Variants in GRHL1 observed in about 807,000 individuals in gnomAD.
The protein encoded by GRHL1 is grainyhead-like protein 1 homolog.
GRHL1 carries 38 observed loss-of-function variants against 75.7 expected under a neutral mutation model. The ratio of observed to expected loss-of-function variants is 0.50; its 90% CI spans 0.39 to 0.66. GRHL1 has a LOEUF of 0.66. GRHL1 is among the 30% of genes least tolerant of loss of function. GRHL1 has a pLI of 0.00. For synonymous variants in GRHL1, 266 were observed against 279.4 expected, an observed-to-expected ratio of 0.95 and a Z score of 0.48; for missense variants, 589 against 767.5, an observed-to-expected ratio of 0.77 and a Z score of 2.75.
intron 1 of GRHL1, among the ~76,000 whole-genome samples, chr2:9,954,348 A>G (rs566792389): frequency 6.0e-4 from 91 of 152,284 alleles, no homozygotes; most frequent in Admixed American, 1.2e-3. Flanking sequence ...ATCTGCTGGT[A>G]ATCAGTAGAA....
In GRHL1 at chr2:9,961,261, G is replaced by T. The variant is rs535668161; in HGVS notation, c.494G>T (p.Gly165Val). The T allele has an allele frequency of 6.2e-7, 1 of 1,614,196 alleles. No homozygotes were observed. Among genetic ancestry groups the T allele is most frequent in the Non-Finnish European group, 8.5e-7 (1 of 1,180,032 alleles). ...HSIKTETQPH[G>V]FAVGIPPAVY... ...ATCAAGACAGAAACCCAGCCACATG[G>T]CTTCGCTGTGGGAATCCCCCCAGCA... is the stretch of plus-strand genomic sequence containing the variant. The change falls in exon 4 of 16, where the codon GGC becomes GTC. Residue 165 changes from glycine to valine, a missense_variant. Coordinates refer to ENST00000324907, the MANE Select transcript of GRHL1 (RefSeq NM_198182.3).
intron 8 of GRHL1, among the ~76,000 whole-genome samples, chr2:9,975,706 C>T (rs529207057): frequency 2.3e-4 from 34 of 150,270 alleles, no homozygotes; most frequent in African/African-American, 6.6e-4. Context: ...GGTGAAACTC[C>T]GTCTCTAGTA....
At chr2:9,993,692 C>T (rs6750565) in intron 12 of GRHL1, among the ~76,000 whole-genome samples, 25,975 of 152,196 alleles carry the variant, frequency 0.17, 2,282 homozygotes, top group Non-Finnish European at 0.19. Flanking sequence ...GCAGGGATGT[C>T]ATAGAGGCCA....
intron 8 of GRHL1, among the ~76,000 whole-genome samples, chr2:9,985,553 A>G (rs75926524): frequency 0.026 from 3,997 of 152,354 alleles, 174 homozygotes; most frequent in African/African-American, 0.09. Context: ...CAAAAGGTTA[A>G]TAAGAACAAA....
chr2:9,960,226 G>A (rs1667214242), intron 3 of GRHL1: 1 of 152,176 alleles, frequency 6.6e-6, no homozygotes, highest in South Asian at 2.1e-4. Flanking sequence ...ATCACCTGAG[G>A]TCAGGAGTTC....
intron 12 of GRHL1, among the ~76,000 whole-genome samples, chr2:9,993,725 A>G (rs1029717043): frequency 1.3e-5 from 2 of 152,180 alleles, no homozygotes; most frequent in Non-Finnish European, 2.9e-5. Context: ...CGTGTGTCCT[A>G]GCAGATGGCG....
chr2:9,977,176 T>C (rs1021833611), intron 8 of GRHL1, among the ~76,000 whole-genome samples: 2 of 152,254 alleles, frequency 1.3e-5, no homozygotes, highest in African/African-American at 2.4e-5. Context: ...GGCACTGTTA[T>C]GTATTTATAA....
In GRHL1 at chr2:9,968,928, G is replaced by T. The variant is rs1667596775; in HGVS notation, c.1110+3547G>T. On this transcript the variant is annotated intron_variant, in intron 8 of 15. Transcript: ENST00000324907. This position sits in a 1 kb window ranked among gnomAD's most constrained non-coding sequence, Gnocchi z 4.7. ...GTCCCCATTTGTGGGGACAGCCTGA[G>T]ATCTTAAATATGACATCATGTTTTC... Among the ~76,000 whole-genome samples the T allele has an allele frequency of 6.6e-6, 1 of 152,182 alleles. No homozygotes were observed. Among genetic ancestry groups the T allele is most frequent in the Non-Finnish European group, 1.5e-5 (1 of 68,012 alleles).
chr2:9,971,749 A>G (rs1291952587), intron 8 of GRHL1, among the ~76,000 whole-genome samples: 1 of 152,254 alleles, frequency 6.6e-6, no homozygotes, highest in Non-Finnish European at 1.5e-5. Context: ...GGAAATAACA[A>G]GAAAACTTCC....
intron 9 of GRHL1, 72 bp downstream of exon 9, chr2:9,986,354 T>A: frequency 2.0e-6 from 2 of 988,730 alleles, no homozygotes; most frequent in Non-Finnish European, 3.0e-6. Context: ...GTCTCTTTAA[T>A]ATTTAATGTC....
intron 8 of GRHL1, among the ~76,000 whole-genome samples, chr2:9,980,950 GA>G (rs1481945892): frequency 2.6e-5 from 4 of 152,204 alleles, no homozygotes; most frequent in Non-Finnish European, 5.9e-5. Context: ...TGCAGGATAG[GA>G]ATGGTCCGAG....
rs1558320322 is a variant in GRHL1, at chr2:9,998,611, CATATATAT to C, written c.1678-353_1678-346del. Among the ~76,000 whole-genome samples, 34 of 43,392 alleles carry C rather than the reference CATATATAT, an allele frequency of 7.8e-4. 12 individuals are homozygous for C. Among genetic ancestry groups the C allele is most frequent in the African/African-American group, 2.4e-3 (15 of 6,334 alleles). The allele number at this position is 43,392 out of a possible 152,430, so 28.5% of individuals were successfully genotyped here. A position where few individuals can be genotyped will look rare whatever the true frequency, so the allele number is the denominator to read the frequency against. ...ATATATATGTACACATATATATATA[CATATATAT>C]GTACACATATACATATATATGTACA... On this transcript the variant is annotated intron_variant, in intron 14 of 15. Transcript: ENST00000324907.
chr2:9,973,092 G>A (rs944125160), intron 8 of GRHL1, among the ~76,000 whole-genome samples: 4 of 152,144 alleles, frequency 2.6e-5, no homozygotes, highest in East Asian at 1.9e-4. Flanking sequence ...CTCCCTGCCC[G>A]CCTCCTGCCA....
chr2:9,999,243 G>A (rs545604498), intron 15 of GRHL1, among the ~76,000 whole-genome samples: 1 of 152,182 alleles, frequency 6.6e-6, no homozygotes, highest in Non-Finnish European at 1.5e-5. Context: ...AAACCTGGGT[G>A]CTGGAATGTG....
intron 1 of GRHL1, among the ~76,000 whole-genome samples, chr2:9,953,692 T>C (rs1666897461): frequency 6.6e-6 from 1 of 152,244 alleles, no homozygotes; most frequent in South Asian, 2.1e-4. Context: ...TATCTGTTCT[T>C]AAAGGCCCTG....
At chr2:9,960,886 C>A in intron 3 of GRHL1, 160 bp from the exon 4 acceptor site, 1 of 557,578 alleles carries the variant, frequency 1.8e-6, no homozygotes, top group Non-Finnish European at 3.1e-6. Flanking sequence ...AACCAGAAAG[C>A]CTTTTTCCCT....
rs375248334 is a variant in GRHL1 at position 10,000,716 on chromosome 2, G to A, written c.*9G>A. On this transcript the variant is annotated 3_prime_UTR_variant, in exon 16 of 16. Coordinates refer to ENST00000324907, the MANE Select transcript of GRHL1 (RefSeq NM_198182.3). ...CCCTGACGGAGATCTAAAGGCCTGC[G>A]GGCCACAGCTCCCCAGGAGTTCAGT... 28 of 1,447,540 alleles carry A rather than the reference G, an allele frequency of 1.9e-5. No individual in the cohort carries two copies. The highest frequency in any genetic ancestry group is 1.8e-4 in the Middle Eastern group (1 of 5,686). 89.7% of individuals were successfully genotyped at this position (1,447,540 alleles called of 1,614,324 possible). A position where few individuals can be genotyped will look rare whatever the true frequency, so the allele number is the denominator to read the frequency against.
At chr2:9,965,699 C>T (rs13009258) in intron 8 of GRHL1, 2,985 of 297,460 alleles carry the variant, frequency 0.01, 31 homozygotes, top group Non-Finnish European at 0.013. Context: ...ATATCTGTCT[C>T]CTCCCTCTAT....
At chr2:9,962,946 T>G (rs772518463) in intron 5 of GRHL1, among the ~76,000 whole-genome samples, 44 of 152,186 alleles carry the variant, frequency 2.9e-4, no homozygotes, top group Non-Finnish European at 5.1e-4. Flanking sequence ...ATAAATGAAG[T>G]CAACTTTTTT....
Sources: allele counts gnomAD v4.1 joint callset (sites outside exome capture counted in the v4.1 genomes callset), GRCh38; gene constraint gnomAD v4.1.1; non-coding constraint Gnocchi (gnomAD v3.1); transcripts MANE v1.5; gene names NCBI Gene and HGNC (gene_info 2026-07-23, HGNC 2026-07-21).